The following ISG20L2 variants were observed in gnomAD, a reference collection of about 807,000 sequenced individuals.
The protein encoded by ISG20L2 is interferon-stimulated 20 kDa exonuclease-like 2.
In ISG20L2, 14 loss-of-function variants were observed where a neutral mutation model predicts 27.8. The observed-to-expected ratio is 0.50, with a 90% CI of 0.33 to 0.79. The LOEUF is 0.79. Ranked by LOEUF, ISG20L2 falls within the 30% of genes least tolerant of loss-of-function variation. The probability of loss-of-function intolerance (pLI) is 0.02; values close to 1 mark genes in which losing one functional copy is unlikely to be tolerated. For synonymous variants in ISG20L2, 157 were observed against 165.7 expected (o/e 0.95, Z 0.40); for missense variants, 393 against 435.1 (o/e 0.90, Z 0.86).
At chr1:156,724,790 T>A in intron 2 of ISG20L2, 1 of 476,224 alleles carries the variant, frequency 2.1e-6, no homozygotes, top group Non-Finnish European at 2.8e-6. Flanking sequence ...ATTAGATGTG[T>A]ATGGGTACTA....
intron 3 of ISG20L2, 111 bp from the exon 4 acceptor site, chr1:156,723,573 C>T: frequency 6.6e-7 from 1 of 1,513,918 alleles, no homozygotes; most frequent in Non-Finnish European, 8.8e-7. Context: ...GTTTCTTCTG[C>T]AGTCAGCAGC....
chr1:156,728,524 G>T lies in ISG20L2; in HGVS notation c.-227C>A, dbSNP rs1044544979. 7.1e-6 allele frequency: 7 copies of T among 985,502 alleles called. No individual in the cohort carries two copies. Among genetic ancestry groups the T allele is most frequent in the Non-Finnish European group, 8.4e-6 (7 of 829,932 alleles). The allele number at this position is 985,502 out of a possible 1,614,324, so 61.0% of individuals were successfully genotyped here. A position where few individuals can be genotyped will look rare whatever the true frequency, so the allele number is the denominator to read the frequency against. ...GCGCGCGGGTTAGAACGCGCCAGAG[G>T]TCGGCGCGCGCACACCCGCACCGCC... On this transcript the variant is annotated 5_prime_UTR_variant, in exon 1 of 4. Transcript: ENST00000368219.
rs752486684 is a variant in ISG20L2, at chr1:156,724,345, A to T, written c.751T>A (p.Leu251Met). Residue 251 changes from leucine (L) to methionine (M), a missense_variant, in exon 3 of 4, where the codon TTG becomes ATG. Physicochemically the swap from Leu to Met is conservative, Grantham distance 15. This residue lies in a region of ISG20L2 where 171 missense variants were observed against 195.3 expected (regional missense o/e 0.88). Transcript: ENST00000368219. ...TPFKIARGQI[L>M]KILTGKIVVG... ...ACTATCTTCCCTGTGAGTATCTTCAAGATCTGGAAGAAGTGTGGGAAGAGA... is the reference window on the plus strand; with the variant it reads ...ACTATCTTCCCTGTGAGTATCTTCATGATCTGGAAGAAGTGTGGGAAGAGA... 2.5e-5 allele frequency: 40 copies of T among 1,606,432 alleles called. No individual in the cohort carries two copies. Among genetic ancestry groups the T allele is most frequent in the Non-Finnish European group, 3.3e-5 (39 of 1,174,054 alleles).
In ISG20L2 at chr1:156,723,338, C is replaced by T. The variant is rs763129878; in HGVS notation, c.*11G>A. 10 of 1,613,930 alleles carry T rather than the reference C, an allele frequency of 6.2e-6. No homozygotes were observed. Among genetic ancestry groups the T allele is most frequent in the Non-Finnish European group, 8.5e-6 (10 of 1,179,998 alleles). ...CTCTGCCTCCTCATATCACCAGCGT[C>T]CCCACTGCCACTAGTCTGTAGGGGG... On this transcript the variant is annotated 3_prime_UTR_variant, in exon 4 of 4. Coordinates refer to ENST00000368219, the MANE Select transcript of ISG20L2 (RefSeq NM_001370150.2).
intron 2 of ISG20L2, chr1:156,725,492 G>A (rs904565366): frequency 6.6e-6 from 1 of 152,220 alleles, no homozygotes; most frequent in African/African-American, 2.4e-5. Context: ...TTCCAAACAG[G>A]TTTTCAACAA....
Position 156,728,476 on chromosome 1 carries a change from G to T in ISG20L2, c.-179C>A. ...GAGCCGGATGCGGAAATCGGTGCGC[G>T]CCGACGAAGCCCGGGAAGGCAGGCG... On this transcript the variant is annotated 5_prime_UTR_variant, in exon 1 of 4. Transcript: ENST00000368219. 1 of 984,326 alleles carries T rather than the reference G, an allele frequency of 1.0e-6. No homozygotes were observed. The highest frequency in any genetic ancestry group is 6.2e-5 in the Admixed American group (1 of 16,250). The allele number at this position is 984,326 out of a possible 1,614,324, so 61.0% of individuals were successfully genotyped here.
In ISG20L2 at chr1:156,727,560, CT is replaced by C; in HGVS notation, c.92del (p.Lys31SerfsTer5). ...GNAKHRNFVK[K>X]RRLLERRGFL... The stretch of plus-strand genomic sequence containing the variant: ...AGCCTCTCCGTTCTAAGAGCCTCCG[CT>C]TCTTGACAAAATTTCGGTGCTTGGC... On this transcript the variant is annotated frameshift_variant, in exon 2 of 4. Transcript: ENST00000368219. LOFTEE classifies it high-confidence loss of function. 1.2e-6 allele frequency: 2 copies of C among 1,614,208 alleles called. No individual in the cohort carries two copies. The highest frequency in any genetic ancestry group is 1.7e-6 in the Non-Finnish European group (2 of 1,180,042).
Position 156,723,259 on chromosome 1 carries a change from T to C in ISG20L2, c.*90A>G. ...TCCCCAAATCTAGCTTCCAAAGATGTGGAGCTGGTGGAGCTGTCCATTGGT... is the reference window on the plus strand; with the variant it reads ...TCCCCAAATCTAGCTTCCAAAGATGCGGAGCTGGTGGAGCTGTCCATTGGT... On this transcript the variant is annotated 3_prime_UTR_variant, in exon 4 of 4. Coordinates refer to ENST00000368219, the MANE Select transcript of ISG20L2 (RefSeq NM_001370150.2). 2 of 1,472,748 alleles carry C rather than the reference T, an allele frequency of 1.4e-6. No individual in the cohort carries two copies. Among genetic ancestry groups the C allele is most frequent in the Non-Finnish European group, 1.9e-6 (2 of 1,067,020 alleles). The allele number at this position is 1,472,748 out of a possible 1,614,324, so 91.2% of individuals were successfully genotyped here.
At chr1:156,728,204 G>C (rs1353054769) in intron 1 of ISG20L2, 3 of 985,882 alleles carry the variant, frequency 3.0e-6, no homozygotes, top group South Asian at 9.4e-5. Flanking sequence ...ACCACCAATA[G>C]AGACACAAAT....
rs778100229 is a variant in ISG20L2 at position 156,724,156 on chromosome 1, C to T, written c.940G>A (p.Asp314Asn). 4.0e-5 allele frequency: 65 copies of T among 1,613,510 alleles called. No individual in the cohort carries two copies. Among genetic ancestry groups the T allele is most frequent in the Middle Eastern group, 1.6e-4 (1 of 6,084 alleles). The change falls in exon 3 of 4, where the codon GAT (aspartate) becomes AAT (asparagine). Residue 314 changes from aspartate to asparagine, a missense_variant. By Grantham distance (23) the Asp-to-Asn change is conservative. Around this residue, in one of 3 missense-constraint regions of ISG20L2, gnomAD observed 171 missense variants for 195.3 expected, o/e 0.88. Coordinates refer to ENST00000368219, the MANE Select transcript of ISG20L2 (RefSeq NM_001370150.2). ...ATGTGGGGAGATGCTACCTGGATAT[C>T]CCGGTTTAGCAGCTTCTTGGTGAGA... ...KHLTKKLLNR[D>N]IQVGKSGHSS...
Position 156,727,059 on chromosome 1 carries a change from C to T in ISG20L2, c.594G>A (p.Leu198=), listed in dbSNP as rs534832089. The change falls in exon 2 of 4, where the codon TTG becomes TTA. Residue 198 remains leucine, a synonymous_variant. Transcript: ENST00000368219. Reference sequence around the variant, plus strand: ...TGTAGTTGACAATGCTACATCGAGCCAAGGAACTAACATGCCCCTTTGGTC... The same window carrying T: ...TGTAGTTGACAATGCTACATCGAGCTAAGGAACTAACATGCCCCTTTGGTC... ...GTGPKGHVSS[L]ARCSIVNYNG... 1.9e-6 allele frequency: 3 copies of T among 1,614,172 alleles called. No homozygotes were observed. Among genetic ancestry groups the T allele is most frequent in the Non-Finnish European group, 2.5e-6 (3 of 1,180,030 alleles).
At chr1:156,725,410 TAGG>T (rs1177106368) in intron 2 of ISG20L2, 1 of 152,146 alleles carries the variant, frequency 6.6e-6, no homozygotes, top group African/African-American at 2.4e-5. Context: ...GCTCTTGAAG[TAGG>T]AGGACATGCT....
At chr1:156,726,716 C>T (rs1250531624) in intron 2 of ISG20L2, 190 bp downstream of exon 2, 2 of 985,352 alleles carry the variant, frequency 2.0e-6, no homozygotes, top group East Asian at 1.1e-4. Context: ...GTTTGTGACA[C>T]CAGCTAATTG....
Position 156,727,405 on chromosome 1 carries a change from G to A in ISG20L2, c.248C>T (p.Ala83Val). ...GGGCTGTCCTGACCCATTGCTGGAA[G>A]CAGCTGTCTTCTTTTTTGGGAAGGA... is the stretch of plus-strand genomic sequence containing the variant. ...TPSFPKKKTA[A>V]SSNGSGQPLD... The change falls in exon 2 of 4, where the codon GCT becomes GTT. Residue 83 changes from alanine to valine, a missense_variant. Ala to Val is a moderately conservative substitution (Grantham distance 64, BLOSUM62 0). Transcript: ENST00000368219. 6.2e-7 allele frequency: 1 copy of A among 1,614,170 alleles called. No homozygotes were observed. Among genetic ancestry groups the A allele is most frequent in the Non-Finnish European group, 8.5e-7 (1 of 1,180,008 alleles).
Position 156,727,316 on chromosome 1 carries a change from C to T in ISG20L2, c.337G>A (p.Ala113Thr), listed in dbSNP as rs1648827399. 4 of 1,614,084 alleles carry T rather than the reference C, an allele frequency of 2.5e-6. No homozygotes were observed. The Admixed American group carries it at 5.0e-5, about 20-fold the overall frequency. ...TCCCCCAGCAAATCTACTTTAGCAGCAACAGAATCAGCCTTTTTTGAAGGG... is the reference window on the plus strand; with the variant it reads ...TCCCCCAGCAAATCTACTTTAGCAGTAACAGAATCAGCCTTTTTTGAAGGG... ...PAPSKKADSVAAKVDLLGEFQ... is the reference protein window; with the variant it reads ...PAPSKKADSVTAKVDLLGEFQ... The change falls in exon 2 of 4, where the codon GCT (alanine) becomes ACT (threonine). Residue 113 changes from alanine (A) to threonine (T), a missense_variant. Physicochemically the swap from Ala to Thr is moderately conservative, Grantham distance 58. Coordinates refer to ENST00000368219, the MANE Select transcript of ISG20L2 (RefSeq NM_001370150.2).
chr1:156,725,583 C>G (rs1648717242), intron 2 of ISG20L2: 1 of 152,362 alleles, frequency 6.6e-6, no homozygotes, highest in African/African-American at 2.4e-5. Flanking sequence ...AGTCTCATAA[C>G]CCCAGCTTGG....
chr1:156,724,208 C>T lies in ISG20L2; in HGVS notation c.888G>A (p.Pro296=), dbSNP rs146104824. Residue 296 remains proline (P), a synonymous_variant, in exon 3 of 4, where the codon CCG becomes CCA. Coordinates refer to ENST00000368219, the MANE Select transcript of ISG20L2 (RefSeq NM_001370150.2). ...IPPLNRKADC[P]ENATMSLKHL... ...GCTTCAGAGACATGGTGGCATTCTC[C>T]GGGCAGTCAGCCTTCCGGTTGAGGG... 160 of 1,612,844 alleles carry T rather than the reference C, an allele frequency of 9.9e-5. No homozygotes were observed. Among genetic ancestry groups the T allele is most frequent in the African/African-American group, 1.2e-4 (9 of 74,428 alleles).
chr1:156,728,569 C>T lies in ISG20L2; in HGVS notation c.-272G>A. The T allele has an allele frequency of 2.0e-6, 2 of 985,704 alleles. No individual in the cohort carries two copies. The highest frequency in any genetic ancestry group is 2.4e-6 in the Non-Finnish European group (2 of 829,950). 61.1% of individuals were successfully genotyped at this position (985,704 alleles called of 1,614,324 possible). On this transcript the variant is annotated 5_prime_UTR_variant, in exon 1 of 4. Transcript: ENST00000368219. ...ACCGCCCCGACCCCAGGTAGTGAGGCCAGTGATTCCGAGTGTGTGAGGAGC... is the reference window on the plus strand; with the variant it reads ...ACCGCCCCGACCCCAGGTAGTGAGGTCAGTGATTCCGAGTGTGTGAGGAGC...
chr1:156,727,364 C>A lies in ISG20L2; in HGVS notation c.289G>T (p.Ala97Ser). ...GGGGCAGGGGTCAACCAAGACACTGCAGCTTTCTTGTCCAGGGGCTGTCCT... is the reference window on the plus strand; with the variant it reads ...GGGGCAGGGGTCAACCAAGACACTGAAGCTTTCTTGTCCAGGGGCTGTCCT... ...GSGQPLDKKA[A>S]VSWLTPAPSK... Residue 97 changes from alanine to serine, a missense_variant, in exon 2 of 4, where the codon GCA becomes TCA. By Grantham distance (99) the Ala-to-Ser change is moderately conservative. Coordinates refer to ENST00000368219, the MANE Select transcript of ISG20L2 (RefSeq NM_001370150.2). 1 of 1,614,200 alleles carries A rather than the reference C, an allele frequency of 6.2e-7. No homozygotes were observed.
Sources: allele counts gnomAD v4.1 joint callset, GRCh38; gene constraint gnomAD v4.1.1; regional missense constraint gnomAD v4.1.1; transcripts MANE v1.5; gene names NCBI Gene and HGNC (gene_info 2026-07-23, HGNC 2026-07-21).